Variants in ATRNL1 observed in about 807,000 individuals in gnomAD.
ATRNL1 encodes the protein attractin-like protein 1.
A neutral mutation model predicts 182.7 loss-of-function variants in ATRNL1; 95 were observed. The ratio of observed to expected loss-of-function variants is 0.52; its 90% CI spans 0.44 to 0.62. The LOEUF (loss-of-function observed/expected upper bound fraction) is 0.62, where lower values mean the gene tolerates loss of function less well. ATRNL1 is among the 20% of genes least tolerant of loss of function. The probability of loss-of-function intolerance (pLI) is 0.00; values close to 1 mark genes in which losing one functional copy is unlikely to be tolerated. For synonymous variants in ATRNL1, 576 were observed against 568.3 expected (o/e 1.01, Z -0.19); for missense variants, 1,471 against 1,679.5 (o/e 0.88, Z 2.17).
intron 24 of ATRNL1, among the ~76,000 whole-genome samples, chr10:115,485,984 G>A (rs1220447263): frequency 7.3e-5 from 11 of 149,784 alleles, no homozygotes; most frequent in Non-Finnish European, 1.5e-4. Flanking sequence ...TTATGAGTGA[G>A]AACATGCGGT....
chr10:115,474,087 C>G (rs1554972622), intron 24 of ATRNL1, among the ~76,000 whole-genome samples: 1 of 151,310 alleles, frequency 6.6e-6, no homozygotes, highest in Non-Finnish European at 1.5e-5. Flanking sequence ...TTATTTCCTT[C>G]CATCTGCTAA....
At chr10:115,129,160 A>G (rs113203633) in intron 4 of ATRNL1, among the ~76,000 whole-genome samples, 167 bp from the exon 5 acceptor site, 1 of 152,218 alleles carries the variant, frequency 6.6e-6, no homozygotes, top group South Asian at 2.1e-4. Flanking sequence ...TAACAATTTC[A>G]TAAGAGTAAG....
chr10:115,332,196 A>G (rs114916813), intron 18 of ATRNL1, among the ~76,000 whole-genome samples: 1,962 of 152,072 alleles, frequency 0.013, 37 homozygotes, highest in African/African-American at 0.044. Context: ...AGTCCTGGAG[A>G]CCTTTCTGTG....
intron 19 of ATRNL1, among the ~76,000 whole-genome samples, chr10:115,362,564 C>T (rs1451179051): frequency 6.6e-6 from 1 of 151,016 alleles, no homozygotes; most frequent in Non-Finnish European, 1.5e-5. Flanking sequence ...TACATGTGCA[C>T]ATTGTGCAGG....
At chr10:115,926,455 AAAT>A (rs1342387283) in intron 28 of ATRNL1, among the ~76,000 whole-genome samples, 26 of 152,160 alleles carry the variant, frequency 1.7e-4, no homozygotes, top group African/African-American at 6.3e-4. Context: ...ACCCTCCAAA[AAAT>A]CAATGAATCT....
intron 26 of ATRNL1, among the ~76,000 whole-genome samples, chr10:115,687,152 TTAAC>T (rs1946244216): frequency 1.3e-5 from 2 of 152,096 alleles, no homozygotes; most frequent in South Asian, 4.1e-4. Flanking sequence ...ATATAATACA[TTAAC>T]TATACACATT....
chr10:115,597,881 T>C (rs1238228447), intron 26 of ATRNL1: 1 of 231,168 alleles, frequency 4.3e-6, no homozygotes, highest in Non-Finnish European at 8.8e-6. Context: ...ACATTGCTGT[T>C]CATTTCTGTA....
At chr10:115,666,357 A>G (rs115234504) in intron 26 of ATRNL1, among the ~76,000 whole-genome samples, 2,977 of 152,162 alleles carry the variant, frequency 0.02, 91 homozygotes, top group African/African-American at 0.066. Context: ...GTGTTTGTTT[A>G]TGCTTTTACT....
intron 26 of ATRNL1, among the ~76,000 whole-genome samples, chr10:115,656,431 A>T (rs148462683): frequency 2.0e-5 from 3 of 152,250 alleles, no homozygotes; most frequent in Non-Finnish European, 4.4e-5. Flanking sequence ...TTATTCCCAC[A>T]TCCAAAAGAT....
chr10:115,517,452 G>A (rs1405068063), intron 24 of ATRNL1, among the ~76,000 whole-genome samples: 3 of 151,832 alleles, frequency 2.0e-5, no homozygotes, highest in Non-Finnish European at 2.9e-5. Context: ...AAGCTGAATT[G>A]TATCTTTACT....
rs115148471 is a variant in ATRNL1 at position 115,801,599 on chromosome 10, G to A, written c.3904-46278G>A. On this transcript the variant is annotated intron_variant, in intron 27 of 28. Coordinates refer to ENST00000355044, the MANE Select transcript of ATRNL1 (RefSeq NM_207303.4). Reference sequence around the variant, plus strand: ...ACTTGTGGATGGGGAATATTGTTTGGGACTGTATTGGTTGCAAACCAAAAT... The same window carrying A: ...ACTTGTGGATGGGGAATATTGTTTGAGACTGTATTGGTTGCAAACCAAAAT... Among the ~76,000 whole-genome samples the A allele has an allele frequency of 2.6e-3, 347 of 134,074 alleles. 1 individual carries two copies. Among genetic ancestry groups the A allele is most frequent in the African/African-American group, 9.3e-3 (334 of 36,030 alleles). 88.0% of individuals were successfully genotyped at this position (134,074 alleles called of 152,430 possible).
chr10:115,148,391 T>G (rs965981728), intron 5 of ATRNL1, among the ~76,000 whole-genome samples: 3 of 152,110 alleles, frequency 2.0e-5, no homozygotes, highest in Admixed American at 6.6e-5. Flanking sequence ...CAGCAAAGAG[T>G]GGCAATTTGA....
intron 25 of ATRNL1, among the ~76,000 whole-genome samples, chr10:115,525,045 G>A (rs1211167278): frequency 1.3e-5 from 2 of 151,976 alleles, no homozygotes; most frequent in African/African-American, 4.8e-5. Flanking sequence ...ATGTTTCAGG[G>A]ACCTTCCTTC....
rs781993085 is a variant in ATRNL1 at position 115,286,350 on chromosome 10, A to G, written c.2368A>G (p.Lys790Glu). The change falls in exon 15 of 29, where the codon AAA becomes GAA. Residue 790 changes from lysine to glutamate, a missense_variant. Physicochemically the swap from Lys to Glu is moderately conservative, Grantham distance 56. Around this residue, in one of 3 missense-constraint regions of ATRNL1, gnomAD observed 1,031 missense variants for 1,156.0 expected, o/e 0.89. Transcript: ENST00000355044. ...SGNLASLTTS[K>E]EVEFVLDEIQ... ...AAATCTTGCTTCATTAACAACCTCA[A>G]AAGAAGTAGAATTTGTTCTGGATGA... The G allele has an allele frequency of 1.3e-5, 21 of 1,606,942 alleles. No homozygotes were observed. In the Admixed American group the frequency reaches 2.9e-4, roughly 22 times the overall value.
chr10:115,689,004 A>C (rs527269981), intron 26 of ATRNL1, among the ~76,000 whole-genome samples: 3 of 152,242 alleles, frequency 2.0e-5, no homozygotes, highest in Admixed American at 6.5e-5. Flanking sequence ...TCCGAGTTTC[A>C]TTCTTCTGCA....
intron 2 of ATRNL1, 124 bp downstream of exon 2, chr10:115,120,392 T>C: frequency 2.0e-6 from 1 of 492,466 alleles, no homozygotes; most frequent in Non-Finnish European, 3.5e-6. Flanking sequence ...TTAGATAATA[T>C]TTACAACTTC....
intron 4 of ATRNL1, 105 bp downstream of exon 4, chr10:115,127,826 C>A: frequency 1.3e-6 from 1 of 766,968 alleles, no homozygotes; most frequent in South Asian, 3.4e-5. Context: ...CAGAAGCAGG[C>A]TACCGTGTTA....
chr10:115,875,259 G>T (rs892864278), intron 28 of ATRNL1, among the ~76,000 whole-genome samples: 1 of 152,208 alleles, frequency 6.6e-6, no homozygotes, highest in Non-Finnish European at 1.5e-5. Context: ...GTTGAATACA[G>T]TTGGCAGGCT....
intron 19 of ATRNL1, among the ~76,000 whole-genome samples, chr10:115,357,865 A>C (rs1353895478): frequency 6.6e-6 from 1 of 151,674 alleles, no homozygotes; most frequent in Non-Finnish European, 1.5e-5. Flanking sequence ...AAGAAATGGA[A>C]TTCATTGTCG....
Sources: gnomAD v4.1 joint callset for allele counts (sites outside exome capture counted in the v4.1 genomes callset) on GRCh38, gnomAD v4.1.1 for gene constraint, gnomAD v4.1.1 regional missense constraint, MANE v1.5 for transcripts, NCBI Gene and HGNC (gene_info 2026-07-23, HGNC 2026-07-21) for gene names.